The following SNU13 variants were observed in gnomAD, a reference collection of about 807,000 sequenced individuals.
SNU13 encodes the protein NHP2-like protein 1.
Under a neutral mutation model 12.4 loss-of-function variants are expected in SNU13, and 2 were observed. The observed-to-expected ratio is 0.16, with a 90% CI of 0.07 to 0.51. SNU13 has a LOEUF of 0.51. SNU13 is among the 20% of genes least tolerant of loss of function. SNU13 has a pLI of 0.96. For missense variants in SNU13, 66 were observed against 157.8 expected, an observed-to-expected ratio of 0.42 and a Z score of 3.12; for synonymous variants, 68 against 66.5, an observed-to-expected ratio of 1.02 and a Z score of -0.11.
At chr22:41,688,038 C>T (rs376977388) in intron 1 of SNU13, 1 of 152,200 alleles carries the variant, frequency 6.6e-6, no homozygotes, top group Non-Finnish European at 1.5e-5. Flanking sequence ...ATTCTTCCCT[C>T]CTCACCAAGT....
Position 41,688,811 on chromosome 22 carries a change from G to T in SNU13, c.-15C>A, listed in dbSNP as rs749215482. Reference sequence around the variant, plus strand: ...GCACTCACCATGGCTGCGGTTCCGCGGGCTCAGCACTCCTAGGGGAGCGCA... The same window carrying T: ...GCACTCACCATGGCTGCGGTTCCGCTGGCTCAGCACTCCTAGGGGAGCGCA... On this transcript the variant is annotated 5_prime_UTR_variant, in exon 1 of 3. Transcript: ENST00000401959. 1 of 1,600,474 alleles carries T rather than the reference G, an allele frequency of 6.2e-7. No individual in the cohort carries two copies. Among genetic ancestry groups the T allele is most frequent in the Non-Finnish European group, 8.5e-7 (1 of 1,170,626 alleles).
At chr22:41,680,205 C>A in intron 2 of SNU13, 39 bp downstream of exon 2, 4 of 1,587,154 alleles carry the variant, frequency 2.5e-6, no homozygotes, top group Non-Finnish European at 3.4e-6. Context: ...GAAACAGGTG[C>A]CTTTAACATT....
At chr22:41,678,950 A>T (rs78035162) in intron 2 of SNU13, among the ~76,000 whole-genome samples, 2,066 of 152,328 alleles carry the variant, frequency 0.014, 48 homozygotes, top group African/African-American at 0.047. Context: ...ACTACCCAGC[A>T]TCTATTAAAA....
At chr22:41,676,791 C>A (rs2068218283) in intron 2 of SNU13, among the ~76,000 whole-genome samples, 2 of 152,214 alleles carry the variant, frequency 1.3e-5, no homozygotes, top group Non-Finnish European at 2.9e-5. Context: ...TTTGCTTTTC[C>A]CCTTTCTTTT....
chr22:41,678,038 A>T (rs949438), intron 2 of SNU13, among the ~76,000 whole-genome samples: 4 of 150,552 alleles, frequency 2.7e-5, no homozygotes, highest in Non-Finnish European at 5.9e-5. Context: ...TGCAGTGGTG[A>T]GATCTCGGCT....
At chr22:41,688,956 C>CG, upstream of SNU13, 1 of 1,363,524 alleles carries the variant, frequency 7.3e-7, no homozygotes, top group Non-Finnish European at 9.5e-7. Flanking sequence ...CCGCCCTCTA[C>CG]GGGGGCACTG....
chr22:41,677,638 T>C (rs1036016831), intron 2 of SNU13, among the ~76,000 whole-genome samples: 5 of 152,006 alleles, frequency 3.3e-5, no homozygotes, highest in African/African-American at 1.2e-4. Context: ...GTCATAGGAG[T>C]GACTCTTTTA....
intron 2 of SNU13, 137 bp from the exon 3 acceptor site, chr22:41,675,332 C>A: frequency 9.3e-7 from 1 of 1,079,278 alleles, no homozygotes; most frequent in Non-Finnish European, 1.3e-6. Flanking sequence ...GATTCAAACA[C>A]CAGTCAGTCA....
chr22:41,682,361 C>A, intron 1 of SNU13: 1 of 1,613,976 alleles, frequency 6.2e-7, no homozygotes, highest in Non-Finnish European at 8.5e-7. Flanking sequence ...CTCACCATAG[C>A]GTCTGTCTTG....
At chr22:41,686,979 G>A (rs1047375527) in intron 1 of SNU13, among the ~76,000 whole-genome samples, 7 of 150,016 alleles carry the variant, frequency 4.7e-5, no homozygotes, top group African/African-American at 7.4e-5. Context: ...TTTTTGAGAC[G>A]GAGTCTCAAA....
chr22:41,682,388 C>T (rs897745584), intron 1 of SNU13: 8 of 1,613,918 alleles, frequency 5.0e-6, no homozygotes, highest in Admixed American at 3.3e-5. Context: ...TCTTGCCGGA[C>T]ACCGCGAGGA....
intron 1 of SNU13, chr22:41,681,582 T>C (rs2068263346): frequency 6.6e-6 from 1 of 152,264 alleles, no homozygotes; most frequent in Non-Finnish European, 1.5e-5. Flanking sequence ...GAGGGAATGG[T>C]ACAGTTAAAT....
At chr22:41,677,814 A>AT (rs2068227141) in intron 2 of SNU13, among the ~76,000 whole-genome samples, 1 of 152,024 alleles carries the variant, frequency 6.6e-6, no homozygotes, top group South Asian at 2.1e-4. Flanking sequence ...GAATCCCTCA[A>AT]GCATGCCTTT....
intron 1 of SNU13, 26 bp from the exon 2 acceptor site, chr22:41,680,390 G>T: frequency 6.3e-7 from 1 of 1,590,778 alleles, no homozygotes; most frequent in Non-Finnish European, 8.6e-7. Context: ...AAAAATATCA[G>T]ACAAATTGAG....
At chr22:41,689,017 T>G, upstream of SNU13, 1 of 1,316,318 alleles carries the variant, frequency 7.6e-7, no homozygotes, top group Non-Finnish European at 9.8e-7. Flanking sequence ...GGCGTTCTTA[T>G]GAGCTGCCTA....
chr22:41,688,659 T>C, intron 1 of SNU13, 135 bp downstream of exon 1: 2 of 1,286,050 alleles, frequency 1.6e-6, no homozygotes, highest in Non-Finnish European at 2.1e-6. Flanking sequence ...GGGTTCTAAC[T>C]AAGGGCCCGG....
At chr22:41,679,946 AT>A (rs1355560537) in intron 2 of SNU13, 11 of 199,044 alleles carry the variant, frequency 5.5e-5, no homozygotes, top group African/African-American at 2.5e-4. Context: ...TTTCCTTCTG[AT>A]GGCTCTGGTG....
chr22:41,681,364 C>T (rs2068261461), intron 1 of SNU13: 1 of 152,192 alleles, frequency 6.6e-6, no homozygotes, highest in African/African-American at 2.4e-5. Flanking sequence ...ATTTTGTAGT[C>T]AGCTTGCTTT....
intron 1 of SNU13, among the ~76,000 whole-genome samples, chr22:41,683,655 A>C (rs569799810): frequency 6.6e-6 from 1 of 152,322 alleles, no homozygotes; most frequent in South Asian, 2.1e-4. Context: ...AACTCCTAGA[A>C]GTGGGATTAA....
Sources: gnomAD v4.1 joint callset for allele counts (sites outside exome capture counted in the v4.1 genomes callset) on GRCh38, gnomAD v4.1.1 for gene constraint, MANE v1.5 for transcripts, NCBI Gene and HGNC (gene_info 2026-07-23, HGNC 2026-07-21) for gene names.